PARP9: variants seen among roughly 807,000 people sequenced by gnomAD.
The protein encoded by PARP9 is poly(ADP-ribose) polymerase family member 9.
In PARP9, 48 loss-of-function variants were observed where a neutral mutation model predicts 68.8. The ratio of observed to expected loss-of-function variants is 0.70; its 90% CI spans 0.55 to 0.89. PARP9 has a LOEUF of 0.89. Ranked by LOEUF, PARP9 falls within the 40% of genes least tolerant of loss-of-function variation. The pLI is 0.00. For missense variants in PARP9, 806 were observed against 969.3 expected, an observed-to-expected ratio of 0.83 and a Z score of 2.24; for synonymous variants, 309 against 333.8, an observed-to-expected ratio of 0.93 and a Z score of 0.81.
In PARP9 at chr3:122,537,109, C is replaced by T. The variant is rs757829435; in HGVS notation, c.1766-36G>A. 4.5e-6 allele frequency: 7 copies of T among 1,562,638 alleles called. No homozygotes were observed. The South Asian group carries it at 7.2e-5, about 16-fold the overall frequency. On this transcript the variant is annotated intron_variant, in intron 8 of 10. Transcript: ENST00000682323. Reference sequence around the variant, plus strand: ...GTAACACAAAAACTTTACTTCAATGCTCTGAGAGAGGAGAAAAGAAATTTA... The same window carrying T: ...GTAACACAAAAACTTTACTTCAATGTTCTGAGAGAGGAGAAAAGAAATTTA...
At chr3:122,557,027 T>C (rs1287792227) in intron 3 of PARP9, among the ~76,000 whole-genome samples, 2 of 152,066 alleles carry the variant, frequency 1.3e-5, no homozygotes, top group Non-Finnish European at 2.9e-5. Context: ...AGAGATGGGG[T>C]TTCACCATAT....
chr3:122,530,642 G>C (rs2077244722), intron 10 of PARP9, among the ~76,000 whole-genome samples: 1 of 152,194 alleles, frequency 6.6e-6, no homozygotes, highest in African/African-American at 2.4e-5. Flanking sequence ...CTTCTTTGAT[G>C]CCATATTATC....
At position 122,528,058 on chromosome 3, in the gene PARP9, C is replaced by T. The variant is rs1033033778; in HGVS notation, c.*306G>A. On this transcript the variant is annotated 3_prime_UTR_variant, in exon 11 of 11. Transcript: ENST00000682323. ...GAAAATAAAAGGCCTGCGTTATATA[C>T]TAGAAAAATTTCTTCATTATATGCA... 4 of 201,840 alleles carry T rather than the reference C, an allele frequency of 2.0e-5. No individual in the cohort carries two copies. The highest frequency in any genetic ancestry group is 4.0e-5 in the Non-Finnish European group (4 of 100,808). The allele number at this position is 201,840 out of a possible 1,614,324, so 12.5% of individuals were successfully genotyped here.
chr3:122,558,476 A>G lies in PARP9; in HGVS notation c.16-9T>C, dbSNP rs2079901551. The stretch of plus-strand genomic sequence containing the variant: ...GCTGCTGCTCCGGCCACCTGTGAAA[A>G]ATGAGAATGGCTTTCTTAAAAAATG... On this transcript the variant is annotated splice_polypyrimidine_tract_variant and intron_variant, in intron 2 of 10. Transcript: ENST00000682323. The G allele has an allele frequency of 6.2e-7, 1 of 1,613,620 alleles. No individual in the cohort carries two copies. The highest frequency in any genetic ancestry group is 1.3e-5 in the African/African-American group (1 of 75,040).
chr3:122,546,468 T>C (rs931322534), intron 6 of PARP9, among the ~76,000 whole-genome samples: 1 of 152,232 alleles, frequency 6.6e-6, no homozygotes, highest in African/African-American at 2.4e-5. Context: ...GTTCTGAACA[T>C]GTTTAAGGTA....
rs138358956 is a variant in PARP9 at position 122,532,469 on chromosome 3, G to A, written c.2080+3699C>T. On this transcript the variant is annotated intron_variant, in intron 10 of 10. Transcript: ENST00000682323. ...CAGGAACTGAGTTTCAATCTTGAAG[G>A]GACTATGAAAACTCTGAAAATGACT... is the stretch of plus-strand genomic sequence containing the variant. 3.0e-4 allele frequency: 287 copies of A among 966,332 alleles called. No individual in the cohort carries two copies. The African/African-American group carries it at 4.9e-3, about 16-fold the overall frequency. 59.9% of individuals were successfully genotyped at this position (966,332 alleles called of 1,614,324 possible). A position where few individuals can be genotyped will look rare whatever the true frequency, so the allele number is the denominator to read the frequency against.
At chr3:122,528,988 C>A (rs895354426) in intron 10 of PARP9, among the ~76,000 whole-genome samples, 1 of 152,054 alleles carries the variant, frequency 6.6e-6, no homozygotes, top group Admixed American at 6.6e-5. Context: ...TGGCTCACAC[C>A]TGTAATCCCT....
chr3:122,556,113 C>A lies in PARP9; in HGVS notation c.58G>T (p.Ala20Ser). 3.2e-6 allele frequency: 3 copies of A among 923,180 alleles called. No homozygotes were observed. The highest frequency in any genetic ancestry group is 2.7e-5 in the Admixed American group (1 of 36,866). 57.2% of individuals were successfully genotyped at this position (923,180 alleles called of 1,614,324 possible). ...TGCCAACTATAGTTTTCTCCAAGAGCACCAGTCTCTGGAAAAGAAGAGAAG... is the reference window on the plus strand; with the variant it reads ...TGCCAACTATAGTTTTCTCCAAGAGAACCAGTCTCTGGAAAAGAAGAGAAG... ...AAYNEKSETG[A>S]LGENYSWQIP... Residue 20 changes from alanine (A) to serine (S), a missense_variant, in exon 4 of 11, where the codon GCT (alanine) becomes TCT (serine). Around this residue, in one of 2 missense-constraint regions of PARP9, gnomAD observed 126 missense variants for 110.5 expected, o/e 1.14. Coordinates refer to ENST00000682323, the MANE Select transcript of PARP9 (RefSeq NM_001146105.2).
At chr3:122,564,545 A>G, upstream of PARP9, 1 of 1,610,136 alleles carries the variant, frequency 6.2e-7, no homozygotes, top group Non-Finnish European at 8.5e-7. Context: ...GGCGGCGGGG[A>G]GTGCACGGTC....
intron 4 of PARP9, 148 bp from the exon 5 acceptor site, chr3:122,552,787 C>T (rs2079316482): frequency 1.8e-5 from 11 of 610,276 alleles, no homozygotes; most frequent in East Asian, 2.8e-5. Context: ...AATAGAAACT[C>T]GTATTTCCAA....
chr3:122,539,384 A>T (rs1256708105), intron 8 of PARP9, among the ~76,000 whole-genome samples: 1 of 152,166 alleles, frequency 6.6e-6, no homozygotes, highest in Admixed American at 6.5e-5. Flanking sequence ...GAGCAGGAAC[A>T]ATGTCTATCT....
chr3:122,555,775 C>T lies in PARP9; in HGVS notation c.396G>A (p.Gln132=), dbSNP rs763727700. 1.2e-6 allele frequency: 2 copies of T among 1,614,068 alleles called. No individual in the cohort carries two copies. The highest frequency in any genetic ancestry group is 2.2e-5 in the South Asian group (2 of 91,078). The change falls in exon 4 of 11, where the codon CAG becomes CAA. Residue 132 remains glutamine, a synonymous_variant. Transcript: ENST00000682323. ...GGFEIQEESK[Q]FVARYGKVSA... ...ACACTTTACCATATCTGGCAACAAA[C>T]TGTTTGCTCTCTTCTTGGATTTCAA...
rs1559825777 is a variant in PARP9, at chr3:122,540,818, AT to A, written c.1418del (p.Asn473MetfsTer12). 6.2e-7 allele frequency: 1 copy of A among 1,613,322 alleles called. No individual in the cohort carries two copies. The highest frequency in any genetic ancestry group is 2.2e-5 in the East Asian group (1 of 44,830). ...TGGCAGGAGATCTAGCTTCAAGCCC[AT>A]TTTCTCTTTTCTCCTCTCTGGTTGA... is the stretch of plus-strand genomic sequence containing the variant. ...PQSTREEKRENGLEARSPAIN... is the reference protein window; with the variant it reads ...PQSTREEKREXGLEARSPAIN... On this transcript the variant is annotated frameshift_variant, in exon 8 of 11. Transcript: ENST00000682323. LOFTEE classifies it high-confidence loss of function.
At position 122,555,537 on chromosome 3, in the gene PARP9, G is replaced by A. The variant is rs1463292483; in HGVS notation, c.634C>T (p.Pro212Ser). ...ATAGTCTTTGTACACAAATTCAGAG[G>A]GAACTGAAAAATCCCAGAGCTCAAG... Reference protein sequence around the residue: ...PALSSGIFQFPLNLCTKTIVE... With the variant: ...PALSSGIFQFSLNLCTKTIVE... Residue 212 changes from proline to serine, a missense_variant, in exon 4 of 11, where the codon CCT becomes TCT. Pro to Ser is a moderately conservative substitution (Grantham distance 74). This residue lies in a region of PARP9 where 680 missense variants were observed against 858.8 expected (regional missense o/e 0.79). Coordinates refer to ENST00000682323, the MANE Select transcript of PARP9 (RefSeq NM_001146105.2). The A allele has an allele frequency of 1.2e-6, 2 of 1,614,080 alleles. No homozygotes were observed. The highest frequency in any genetic ancestry group is 8.5e-7 in the Non-Finnish European group (1 of 1,180,012).
At chr3:122,541,151 C>A (rs112217436) in intron 7 of PARP9, among the ~76,000 whole-genome samples, 32,802 of 151,924 alleles carry the variant, frequency 0.22, 4,049 homozygotes, top group Non-Finnish European at 0.27. Context: ...CGGCCTCCCA[C>A]AGTGCCAGGA....
At chr3:122,554,873 CATG>C (rs2079508356) in intron 4 of PARP9, among the ~76,000 whole-genome samples, 1 of 151,724 alleles carries the variant, frequency 6.6e-6, no homozygotes, top group South Asian at 2.1e-4. Context: ...TGTGCATCAC[CATG>C]CCCTGATAAT....
In PARP9 at chr3:122,528,603, G is replaced by T. The variant is rs749244439; in HGVS notation, c.2221C>A (p.Pro741Thr). Residue 741 changes from proline to threonine, a missense_variant, in exon 11 of 11, where the codon CCG (proline) becomes ACG (threonine). Coordinates refer to ENST00000682323, the MANE Select transcript of PARP9 (RefSeq NM_001146105.2). ...VLTGFFCQGH[P>T]LNIVPPPLSP... is the part of the protein sequence containing the mutation. ...AGTGGTGGGGGAACAATATTTAACG[G>T]ATGTCCCTGGCAGAAGAAGCCTGTG... The T allele has an allele frequency of 1.2e-6, 2 of 1,614,112 alleles. No homozygotes were observed. Among genetic ancestry groups the T allele is most frequent in the Non-Finnish European group, 1.7e-6 (2 of 1,180,034 alleles).
chr3:122,542,437 C>T lies in PARP9; in HGVS notation c.1385-1585G>A, dbSNP rs975294575. Among the ~76,000 whole-genome samples the T allele has an allele frequency of 2.6e-5, 4 of 151,640 alleles. No homozygotes were observed. The South Asian group carries it at 8.3e-4, about 32-fold the overall frequency. On this transcript the variant is annotated intron_variant, in intron 7 of 10. Transcript: ENST00000682323. ...TAATTTTTTTTTTGAGACAGAGTCT[C>T]GCTCTGTTGCCCAGGCTGGAGTGCA...
intron 1 of PARP9, among the ~76,000 whole-genome samples, chr3:122,563,440 G>A (rs1408488975): frequency 2.0e-5 from 3 of 152,200 alleles, no homozygotes; most frequent in Non-Finnish European, 4.4e-5. Flanking sequence ...CATCATTACA[G>A]TTAATTTCAT....
Sources: gnomAD v4.1 joint callset for allele counts (sites outside exome capture counted in the v4.1 genomes callset) on GRCh38, gnomAD v4.1.1 for gene constraint, gnomAD v4.1.1 regional missense constraint, MANE v1.5 for transcripts, NCBI Gene and HGNC (gene_info 2026-07-23, HGNC 2026-07-21) for gene names.